The following ODF2L variants were observed in gnomAD, a reference collection of about 807,000 sequenced individuals.
ODF2L encodes outer dense fiber of sperm tails 2 like.
Under a neutral mutation model 86.3 loss-of-function variants are expected in ODF2L, and 76 were observed. The observed-to-expected ratio is 0.88, with a 90% CI of 0.73 to 1.07. The LOEUF is 1.07. Among genes scored for constraint, ODF2L ranks in the 50% least tolerant of loss-of-function variants. The pLI, the probability that ODF2L is intolerant of heterozygous loss-of-function variation, is 0.00. For synonymous variants in ODF2L, 241 were observed against 231.3 expected (o/e 1.04, Z -0.38); for missense variants, 748 against 717.4 (o/e 1.04, Z -0.49).
chr1:86,355,102 T>C (rs1347002100), intron 14 of ODF2L: 2 of 548,056 alleles, frequency 3.6e-6, no homozygotes, highest in African/African-American at 1.9e-5. Context: ...TTCAGGATGA[T>C]GGCTATTAAA....
chr1:86,378,668 G>C (rs1428354127), intron 7 of ODF2L, among the ~76,000 whole-genome samples: 2 of 152,098 alleles, frequency 1.3e-5, no homozygotes, highest in Non-Finnish European at 2.9e-5. Flanking sequence ...GGAGAGAAAA[G>C]AGTGAAGAGC....
chr1:86,356,568 A>G (rs1658579769), exon 14 of ODF2L: 4 of 1,614,020 alleles, frequency 2.5e-6, no homozygotes, highest in Non-Finnish European at 3.4e-6. Flanking sequence ...GACACGCTCT[A>G]ACTCCTTCAG....
intron 12 of ODF2L, 127 bp from the exon 12 acceptor site, chr1:86,359,018 A>G: frequency 1.9e-6 from 1 of 514,096 alleles, no homozygotes; most frequent in South Asian, 3.0e-5. Flanking sequence ...TGGTTCATCT[A>G]ATGTTATTAC....
chr1:86,358,891 C>A, exon 13 of ODF2L: 3 of 1,443,380 alleles, frequency 2.1e-6, no homozygotes, highest in Non-Finnish European at 1.9e-6. Context: ...AACTTTTGTA[C>A]CTGAAAATAA....
At chr1:86,351,827 C>T in exon 18 of ODF2L, 1 of 893,206 alleles carries the variant, frequency 1.1e-6, no homozygotes, top group Non-Finnish European at 1.3e-6. Flanking sequence ...AATTTGGATT[C>T]CTAGGTATTT....
At chr1:86,357,438 A>G (rs1431604970) in intron 13 of ODF2L, among the ~76,000 whole-genome samples, 1 of 151,930 alleles carries the variant, frequency 6.6e-6, no homozygotes, top group African/African-American at 2.4e-5. Flanking sequence ...AAGTAAAAGA[A>G]AAAAGACTTG....
At chr1:86,352,684 G>C (rs1362690815) in intron 17 of ODF2L, among the ~76,000 whole-genome samples, 175 bp downstream of exon 16, 3 of 152,060 alleles carry the variant, frequency 2.0e-5, no homozygotes, top group Non-Finnish European at 2.9e-5. Flanking sequence ...CAAAGAGGCA[G>C]AATAATAAAT....
intron 11 of ODF2L, chr1:86,360,775 C>CA (rs1405689177): frequency 1.2e-5 from 3 of 257,936 alleles, no homozygotes; most frequent in Non-Finnish European, 1.4e-5. Context: ...AATTTACTGA[C>CA]AAAAAAACTT....
At chr1:86,388,033 A>G (rs1367357110) in intron 1 of ODF2L, among the ~76,000 whole-genome samples, 3 of 152,078 alleles carry the variant, frequency 2.0e-5, no homozygotes, top group Non-Finnish European at 4.4e-5. Flanking sequence ...AAATGTATAT[A>G]TTTTATCTGA....
chr1:86,348,935 C>A (rs1444318603), downstream of ODF2L: 10 of 1,486,860 alleles, frequency 6.7e-6, no homozygotes, highest in Admixed American at 2.7e-4. Context: ...TTCCAAAGGA[C>A]CAGAGTCATA....
chr1:86,387,451 C>A (rs1661034822), intron 1 of ODF2L, among the ~76,000 whole-genome samples: 1 of 152,130 alleles, frequency 6.6e-6, no homozygotes, highest in African/African-American at 2.4e-5. Flanking sequence ...TAGGCCCATG[C>A]CATAAGAAAT....
intron 10 of ODF2L, among the ~76,000 whole-genome samples, chr1:86,369,730 C>T (rs1466398893): frequency 6.6e-6 from 1 of 152,156 alleles, no homozygotes; most frequent in Non-Finnish European, 1.5e-5. Context: ...AAAGACAGAT[C>T]AGTACGTAGC....
In ODF2L at chr1:86,376,316, T is replaced by A; in HGVS notation, c.727A>T (p.Lys243Ter). The A allele has an allele frequency of 6.2e-7, 1 of 1,612,698 alleles. No individual in the cohort carries two copies. The stretch of plus-strand genomic sequence containing the variant: ...TGTTTGTAAACTTTAGATGCCTTTT[T>A]TAAAGCTACAGTTTTTTGCCTACTT... Residue 243 changes from lysine to a stop codon, truncating the protein, a stop_gained, in exon 8 of 18, where the codon AAA becomes TAA. Transcript: ENST00000317336. LOFTEE classifies it high-confidence loss of function.
In ODF2L at chr1:86,366,648, G is replaced by GA. The variant is rs377755614; in HGVS notation, c.1143+1987dup. Among the ~76,000 whole-genome samples, 42 of 143,294 alleles carry GA rather than the reference G, an allele frequency of 2.9e-4. No individual in the cohort carries two copies. The East Asian group carries it at 3.0e-3, about 10-fold the overall frequency. The allele number at this position is 143,294 out of a possible 152,430, so 94.0% of individuals were successfully genotyped here. On this transcript the variant is annotated intron_variant, in intron 11 of 17. Coordinates refer to ENST00000317336, the Ensembl canonical transcript of ODF2L. Reference sequence around the variant, plus strand: ...ATTGGAAACAATAAATTGAAACACTGAAAAAAAAAATGAAAAAATTCTTAT... The same window carrying GA: ...ATTGGAAACAATAAATTGAAACACTGAAAAAAAAAAATGAAAAAATTCTTAT...
intron 13 of ODF2L, chr1:86,358,123 C>G: frequency 1.0e-6 from 1 of 982,328 alleles, no homozygotes; most frequent in African/African-American, 1.7e-5. Context: ...AGGGAGCAAC[C>G]CAGAGAGAGT....
intron 14 of ODF2L, chr1:86,355,162 G>A (rs890566249): frequency 7.4e-6 from 4 of 540,514 alleles, no homozygotes; most frequent in Non-Finnish European, 1.3e-5. Context: ...TTGTTAAGTT[G>A]AAATAGGAAA....
intron 1 of ODF2L, among the ~76,000 whole-genome samples, chr1:86,393,286 A>G (rs982819452): frequency 2.0e-5 from 3 of 152,172 alleles, no homozygotes; most frequent in Non-Finnish European, 4.4e-5. Flanking sequence ...TCACCATGGC[A>G]TATTCAGCAA....
intron 7 of ODF2L, among the ~76,000 whole-genome samples, chr1:86,378,812 C>T (rs985411882): frequency 6.6e-6 from 1 of 151,902 alleles, no homozygotes; most frequent in African/African-American, 2.4e-5. Context: ...CTGAAGATTA[C>T]AATTCAAGAT....
At chr1:86,390,788 A>G (rs1307256532) in intron 1 of ODF2L, among the ~76,000 whole-genome samples, 1 of 152,102 alleles carries the variant, frequency 6.6e-6, no homozygotes, top group Non-Finnish European at 1.5e-5. Flanking sequence ...AAAGATGCCC[A>G]CTCTCATCAT....
Sources: gnomAD v4.1 joint callset for allele counts (sites outside exome capture counted in the v4.1 genomes callset) on GRCh38, gnomAD v4.1.1 for gene constraint, MANE v1.5 for transcripts, NCBI Gene and HGNC (gene_info 2026-07-23, HGNC 2026-07-21) for gene names.